NWD2: variants seen among roughly 807,000 people sequenced by gnomAD.
NWD2 encodes the protein NACHT and WD repeat domain-containing protein 2.
Under a neutral mutation model 132.7 loss-of-function variants are expected in NWD2, and 37 were observed. The observed-to-expected ratio is 0.28, with a 90% CI of 0.21 to 0.37. The LOEUF (loss-of-function observed/expected upper bound fraction) is 0.37. Among genes scored for constraint, NWD2 ranks in the 10% least tolerant of loss-of-function variants. The pLI is 1.00. For synonymous variants in NWD2, 705 were observed against 803.0 expected, an observed-to-expected ratio of 0.88 and a Z score of 2.06; for missense variants, 1,592 against 2,122.4, an observed-to-expected ratio of 0.75 and a Z score of 4.91.
intron 2 of NWD2, among the ~76,000 whole-genome samples, chr4:37,328,895 G>A (rs1012100360): frequency 4.6e-5 from 7 of 151,972 alleles, no homozygotes; most frequent in Admixed American, 3.9e-4. Context: ...CCTGCTTATT[G>A]TCTTTCTCCC....
intron 3 of NWD2, among the ~76,000 whole-genome samples, chr4:37,360,076 A>T (rs1383851338): frequency 2.0e-5 from 3 of 152,210 alleles, no homozygotes; most frequent in Non-Finnish European, 4.4e-5. Context: ...TTCTCAGGGA[A>T]CAAGTCACTA....
At chr4:37,291,174 G>T (rs967044000) in intron 1 of NWD2, among the ~76,000 whole-genome samples, 11 of 152,102 alleles carry the variant, frequency 7.2e-5, no homozygotes, top group African/African-American at 2.4e-4. Context: ...AAAAATAAAT[G>T]TAGCCAACTT....
chr4:37,374,260 C>T (rs1720299254), intron 3 of NWD2, among the ~76,000 whole-genome samples: 1 of 152,204 alleles, frequency 6.6e-6, no homozygotes, highest in South Asian at 2.1e-4. Flanking sequence ...GACACACCTG[C>T]TCCCCTTTTG....
At chr4:37,368,536 A>G (rs1310810930) in intron 3 of NWD2, among the ~76,000 whole-genome samples, 3 of 152,176 alleles carry the variant, frequency 2.0e-5, no homozygotes, top group Non-Finnish European at 4.4e-5. Flanking sequence ...GCGGCTAAAT[A>G]TGATACTGTT....
At chr4:37,373,791 G>A (rs1720283543) in intron 3 of NWD2, among the ~76,000 whole-genome samples, 1 of 152,160 alleles carries the variant, frequency 6.6e-6, no homozygotes, top group Non-Finnish European at 1.5e-5. Context: ...CAGACGTCCT[G>A]TATATTACAA....
chr4:37,430,378 A>G (rs1712135058), intron 3 of NWD2, among the ~76,000 whole-genome samples, 194 bp from the exon 4 acceptor site: 1 of 152,226 alleles, frequency 6.6e-6, no homozygotes, highest in African/African-American at 2.4e-5. Context: ...TCAGCCTATG[A>G]ATAATTTGTT....
intron 3 of NWD2, among the ~76,000 whole-genome samples, chr4:37,369,832 A>G (rs1720179886): frequency 6.6e-6 from 1 of 152,180 alleles, no homozygotes; most frequent in Non-Finnish European, 1.5e-5. Context: ...TATGCACAGA[A>G]TGGCTGAACG....
At chr4:37,388,151 G>T (rs1440297115) in intron 3 of NWD2, among the ~76,000 whole-genome samples, 1 of 152,084 alleles carries the variant, frequency 6.6e-6, no homozygotes, top group East Asian at 1.9e-4. Context: ...GTTAATAGAT[G>T]TAAAGTGCTT....
intron 2 of NWD2, among the ~76,000 whole-genome samples, chr4:37,329,364 G>T (rs147941950): frequency 6.6e-5 from 10 of 152,216 alleles, no homozygotes; most frequent in Admixed American, 5.2e-4. Flanking sequence ...TAAATGCTTC[G>T]GTTTTAAAAA....
At chr4:37,413,059 G>A (rs992430707) in intron 3 of NWD2, among the ~76,000 whole-genome samples, 1 of 152,138 alleles carries the variant, frequency 6.6e-6, no homozygotes, top group Non-Finnish European at 1.5e-5. Flanking sequence ...ACACAGGCAT[G>A]GGCAAACACT....
chr4:37,349,586 A>C (rs4437269), intron 2 of NWD2, among the ~76,000 whole-genome samples: 142,056 of 152,216 alleles, frequency 0.93, 67,108 homozygotes, highest in East Asian at 1. Flanking sequence ...TGGATATTAG[A>C]CCTTTGTCAG....
intron 2 of NWD2, among the ~76,000 whole-genome samples, chr4:37,335,693 G>A (rs114659872): frequency 0.03 from 4,489 of 151,620 alleles, 219 homozygotes; most frequent in African/African-American, 0.1. Flanking sequence ...CTGTGCTTGC[G>A]AGGGATCTAG....
intron 5 of NWD2, among the ~76,000 whole-genome samples, chr4:37,437,091 C>T (rs115863290): frequency 0.011 from 1,603 of 152,126 alleles, 25 homozygotes; most frequent in African/African-American, 0.036. Flanking sequence ...AATTCTCACC[C>T]TTCTTAATAG....
At position 37,259,839 on chromosome 4, in the gene NWD2, T is replaced by G. The variant is rs560980514; in HGVS notation, c.151+14621T>G. Among the ~76,000 whole-genome samples the G allele has an allele frequency of 1.2e-4, 18 of 152,324 alleles. No individual in the cohort carries two copies. In the East Asian group the frequency reaches 3.5e-3, roughly 29 times the overall value. ...CAGAGAGTGGGAGGAGAAGGATGTC[T>G]TCCTCCCCTCCAGGGAAGGAGCCAC... On this transcript the variant is annotated intron_variant, in intron 1 of 6. Transcript: ENST00000309447.
At chr4:37,294,779 A>G (rs1455654217) in intron 1 of NWD2, among the ~76,000 whole-genome samples, 1 of 152,250 alleles carries the variant, frequency 6.6e-6, no homozygotes, top group Non-Finnish European at 1.5e-5. Context: ...GTCATAGAAT[A>G]TTAGAGTTTA....
At chr4:37,342,576 A>G (rs926410059) in intron 2 of NWD2, among the ~76,000 whole-genome samples, 3 of 152,104 alleles carry the variant, frequency 2.0e-5, no homozygotes, top group Non-Finnish European at 2.9e-5. Context: ...AATTTTTCCA[A>G]CTTATCACAG....
rs201373027 is a variant in NWD2 at position 37,323,122 on chromosome 4, T to TA, written c.152-2813dup. The stretch of plus-strand genomic sequence containing the variant: ...TAAAAAACATGGTAATAATGTTACC[T>TA]ATTTCATAGGGTTGTGGTCAGCAGT... On this transcript the variant is annotated intron_variant, in intron 1 of 6. Coordinates refer to ENST00000309447, the MANE Select transcript of NWD2 (RefSeq NM_001144990.2). 6.6e-3 allele frequency among the ~76,000 whole-genome samples: 1,006 copies of TA among 152,302 alleles called. 12 individuals are homozygous for TA. The highest frequency in any genetic ancestry group is 0.023 in the African/African-American group (965 of 41,580).
At chr4:37,311,098 G>T (rs1451003251) in intron 1 of NWD2, among the ~76,000 whole-genome samples, 3 of 152,036 alleles carry the variant, frequency 2.0e-5, no homozygotes, top group Non-Finnish European at 4.4e-5. Context: ...AAACATACGT[G>T]TGCATGTGTC....
intron 3 of NWD2, among the ~76,000 whole-genome samples, chr4:37,395,960 G>A (rs1170493158): frequency 6.6e-6 from 1 of 151,758 alleles, no homozygotes; most frequent in Non-Finnish European, 1.5e-5. Context: ...GAGATGTATT[G>A]CTTCCCCAGT....
Sources: gnomAD v4.1 joint callset for allele counts (sites outside exome capture counted in the v4.1 genomes callset) on GRCh38, gnomAD v4.1.1 for gene constraint, MANE v1.5 for transcripts, NCBI Gene and HGNC (gene_info 2026-07-23, HGNC 2026-07-21) for gene names.